The following UGT1A10 variants were observed in gnomAD, a reference collection of about 807,000 sequenced individuals.
UGT1A10 encodes UDP glucuronosyltransferase family 1 member A10, also known as UDP-glucuronosyltransferase 1A10.
In UGT1A10, 49 loss-of-function variants were observed where a neutral mutation model predicts 45.8. The observed-to-expected ratio is 1.07, with a 90% CI of 0.85 to 1.36. The LOEUF is 1.36. UGT1A10 is among the 40% of genes most tolerant of loss of function. The pLI, the probability that UGT1A10 is intolerant of heterozygous loss-of-function variation, is 0.00. For missense variants in UGT1A10, 745 were observed against 668.6 expected (o/e 1.11, Z -1.26); for synonymous variants, 284 against 249.7 (o/e 1.14, Z -1.29).
chr2:233,665,871 C>T (rs1425504992), intron 1 of UGT1A10, among the ~76,000 whole-genome samples: 1 of 152,148 alleles, frequency 6.6e-6, no homozygotes, highest in Non-Finnish European at 1.5e-5. Flanking sequence ...ACAATATTTA[C>T]AAGCGGCCAG....
At chr2:233,671,888 A>G in intron 1 of UGT1A10, 1 of 1,562,244 alleles carries the variant, frequency 6.4e-7, no homozygotes, top group South Asian at 1.2e-5. Flanking sequence ...CTACTGTATC[A>G]TAGGAGCTTA....
chr2:233,712,229 A>G (rs939024540), intron 1 of UGT1A10, among the ~76,000 whole-genome samples: 2 of 152,174 alleles, frequency 1.3e-5, no homozygotes, highest in African/African-American at 4.8e-5. Context: ...TGAACCCACC[A>G]TGGGTCTTTG....
At chr2:233,672,144 G>A in intron 1 of UGT1A10, 1 of 1,614,184 alleles carries the variant, frequency 6.2e-7, no homozygotes, top group Non-Finnish European at 8.5e-7. Flanking sequence ...GAAGATCACT[G>A]AATTGCACAG....
chr2:233,771,766 C>T (rs1025155606), intron 4 of UGT1A10, among the ~76,000 whole-genome samples: 1 of 151,968 alleles, frequency 6.6e-6, no homozygotes, highest in African/African-American at 2.4e-5. Context: ...CTTCCTCCGT[C>T]CCTCTCTCCT....
intron 1 of UGT1A10, among the ~76,000 whole-genome samples, chr2:233,766,011 CCTT>C (rs1699028411): frequency 6.6e-6 from 1 of 152,070 alleles, no homozygotes; most frequent in Non-Finnish European, 1.5e-5. Flanking sequence ...TGGGTTATGG[CCTT>C]CTTTTAGTTT....
chr2:233,688,290 A>AT (rs1275876598), intron 1 of UGT1A10, among the ~76,000 whole-genome samples: 41 of 152,054 alleles, frequency 2.7e-4, no homozygotes, highest in South Asian at 4.2e-4. Flanking sequence ...GATTTACCGC[A>AT]TTTTTTTTAT....
At chr2:233,711,587 T>C (rs28898594) in intron 1 of UGT1A10, among the ~76,000 whole-genome samples, 1,733 of 152,338 alleles carry the variant, frequency 0.011, 27 homozygotes, top group African/African-American at 0.04. Context: ...GCCTTCTCTG[T>C]GCCTTCCTGC....
At chr2:233,674,241 C>T (rs1023149514) in intron 1 of UGT1A10, among the ~76,000 whole-genome samples, 4 of 152,130 alleles carry the variant, frequency 2.6e-5, no homozygotes, top group Non-Finnish European at 4.4e-5. Flanking sequence ...TGAAATAATG[C>T]TCTTTCTAAA....
chr2:233,761,040 A>G (rs1426136333), intron 1 of UGT1A10: 5 of 1,614,140 alleles, frequency 3.1e-6, no homozygotes, highest in Non-Finnish European at 4.2e-6. Context: ...TGAGCTCTGC[A>G]TCTGTCTGGC....
intron 1 of UGT1A10, among the ~76,000 whole-genome samples, chr2:233,705,054 T>C (rs1353649860): frequency 6.6e-6 from 1 of 151,808 alleles, no homozygotes; most frequent in Non-Finnish European, 1.5e-5. Context: ...GAGAATTGCT[T>C]GAACCCGGGA....
intron 1 of UGT1A10, among the ~76,000 whole-genome samples, chr2:233,639,279 A>G (rs575266926): frequency 6.6e-6 from 1 of 152,280 alleles, no homozygotes; most frequent in African/African-American, 2.4e-5. Flanking sequence ...TATAGTTTGC[A>G]GAGGGTTATG....
intron 1 of UGT1A10, among the ~76,000 whole-genome samples, chr2:233,741,240 A>G (rs530886202): frequency 6.6e-6 from 1 of 152,014 alleles, no homozygotes; most frequent in East Asian, 1.9e-4. Flanking sequence ...CCTCTGAGTG[A>G]CACTGGTATG....
intron 1 of UGT1A10, among the ~76,000 whole-genome samples, chr2:233,665,945 A>G (rs1265190912): frequency 2.0e-5 from 3 of 152,138 alleles, no homozygotes; most frequent in Non-Finnish European, 4.4e-5. Context: ...CCAACACTGG[A>G]TGTCTTAGTC....
Position 233,668,685 on chromosome 2 carries a change from G to A in UGT1A10, c.855+31308G>A, listed in dbSNP as rs139593882. ...ACACTCCCACCAACAGGGTAAAAGC[G>A]TTCCTATTTCTCCACATCTTCTCTA... On this transcript the variant is annotated intron_variant, in intron 1 of 4. Coordinates refer to ENST00000344644, the MANE Select transcript of UGT1A10 (RefSeq NM_019075.4). 8.3e-3 allele frequency among the ~76,000 whole-genome samples: 1,260 copies of A among 152,312 alleles called. 9 individuals are homozygous for A. The highest frequency in any genetic ancestry group is 0.028 in the African/African-American group (1,181 of 41,576).
chr2:233,675,981 TA>T (rs113395293), intron 1 of UGT1A10, among the ~76,000 whole-genome samples: 2 of 152,306 alleles, frequency 1.3e-5, no homozygotes, highest in African/African-American at 4.8e-5. Flanking sequence ...CATCTTTCCA[TA>T]CAGATCAATG....
At chr2:233,699,122 C>T (rs2075486151) in intron 1 of UGT1A10, among the ~76,000 whole-genome samples, 2 of 152,198 alleles carry the variant, frequency 1.3e-5, no homozygotes, top group African/African-American at 4.8e-5. Flanking sequence ...AACAGTTCTA[C>T]TTATGTCAGA....
intron 1 of UGT1A10, among the ~76,000 whole-genome samples, chr2:233,752,110 GAGA>G (rs1201520833): frequency 1.3e-5 from 2 of 152,210 alleles, no homozygotes; most frequent in East Asian, 1.9e-4. Flanking sequence ...AGAATCAGAG[GAGA>G]AGAAGATGAT....
At chr2:233,727,532 C>T (rs1479523178) in intron 1 of UGT1A10, among the ~76,000 whole-genome samples, 28 of 152,260 alleles carry the variant, frequency 1.8e-4, no homozygotes, top group Middle Eastern at 6.8e-3. Context: ...CACTACCAGG[C>T]GTGTTCCACC....
chr2:233,683,340 G>C (rs2074629186), intron 1 of UGT1A10, among the ~76,000 whole-genome samples: 1 of 152,046 alleles, frequency 6.6e-6, no homozygotes, highest in Admixed American at 6.6e-5. Context: ...ATAATTGCAT[G>C]GTAGTCTTTA....
Sources: gnomAD v4.1 joint callset for allele counts (sites outside exome capture counted in the v4.1 genomes callset) on GRCh38, gnomAD v4.1.1 for gene constraint, MANE v1.5 for transcripts, NCBI Gene and HGNC (gene_info 2026-07-23, HGNC 2026-07-21) for gene names.